Variants in LRRC20 observed in about 807,000 individuals in gnomAD.
The protein encoded by LRRC20 is leucine rich repeat containing 20, also known as leucine-rich repeat-containing protein 20.
LRRC20 carries 11 observed loss-of-function variants against 14.4 expected under a neutral mutation model. The observed-to-expected ratio is 0.77, with a 90% CI of 0.48 to 1.27. The LOEUF (loss-of-function observed/expected upper bound fraction) is 1.27. Ranked by LOEUF, LRRC20 falls within the 50% of genes most tolerant of loss-of-function variation. LRRC20 has a pLI of 0.00. For missense variants in LRRC20, 219 were observed against 251.2 expected (o/e 0.87, Z 0.87); for synonymous variants, 121 against 107.3 (o/e 1.13, Z -0.79).
At chr10:70,319,742 C>A (rs1355670251) in intron 4 of LRRC20, among the ~76,000 whole-genome samples, 1 of 152,220 alleles carries the variant, frequency 6.6e-6, no homozygotes, top group Admixed American at 6.5e-5. Context: ...CTTCCATACA[C>A]CACTTTCTGA....
chr10:70,334,999 TC>T lies in LRRC20; in HGVS notation c.232+5553del, dbSNP rs1041848936. Among the ~76,000 whole-genome samples, 137 of 151,950 alleles carry T rather than the reference TC, an allele frequency of 9.0e-4. 2 individuals are homozygous for T. The highest frequency in any genetic ancestry group is 2.0e-3 in the Admixed American group (31 of 15,280). On this transcript the variant is annotated intron_variant, in intron 3 of 4. Coordinates refer to ENST00000446961, the MANE Select transcript of LRRC20 (RefSeq NM_001278212.2). ...AGCCAGGAGCCCTCTGCAGACAGGC[TC>T]CCCCCAGGTGTCATGCACCCTGTGG... is the stretch of plus-strand genomic sequence containing the variant.
At chr10:70,301,958 A>G (rs1841207761) in intron 4 of LRRC20, among the ~76,000 whole-genome samples, 1 of 152,240 alleles carries the variant, frequency 6.6e-6, no homozygotes, top group African/African-American at 2.4e-5. Flanking sequence ...TATATGGAAT[A>G]CTATGTAGCC....
At chr10:70,331,961 A>G (rs1160015215) in intron 3 of LRRC20, among the ~76,000 whole-genome samples, 1 of 152,210 alleles carries the variant, frequency 6.6e-6, no homozygotes, top group Non-Finnish European at 1.5e-5. Context: ...GAAGCTTGCC[A>G]ATTCCATTAG....
intron 3 of LRRC20, among the ~76,000 whole-genome samples, chr10:70,329,832 T>C (rs1441704717): frequency 1.3e-5 from 2 of 152,212 alleles, no homozygotes; most frequent in African/African-American, 4.8e-5. Context: ...CCCAAAGTGC[T>C]GGGATTACAG....
intron 1 of LRRC20, among the ~76,000 whole-genome samples, chr10:70,377,255 C>T (rs924294025): frequency 2.7e-4 from 41 of 151,952 alleles, no homozygotes; most frequent in African/African-American, 9.7e-4. Context: ...AGTTTATCTG[C>T]AAGAAAAGCG....
chr10:70,317,605 C>T (rs935916829), intron 4 of LRRC20, among the ~76,000 whole-genome samples: 1 of 152,116 alleles, frequency 6.6e-6, no homozygotes, highest in Non-Finnish European at 1.5e-5. Flanking sequence ...TTTTGAACTC[C>T]CAGCCTCAAG....
At position 70,346,422 on chromosome 10, in the gene LRRC20, A is replaced by C. The variant is rs545858366; in HGVS notation, c.83-5720T>G. Among the ~76,000 whole-genome samples, 10 of 152,120 alleles carry C rather than the reference A, an allele frequency of 6.6e-5. No homozygotes were observed. In the South Asian group the frequency reaches 2.1e-3, roughly 32 times the overall value. Reference sequence around the variant, plus strand: ...GCAAGACCCTATCTCTAATAAAATAAAGTAAATATTAATTAACCATTTGTT... The same window carrying C: ...GCAAGACCCTATCTCTAATAAAATACAGTAAATATTAATTAACCATTTGTT... On this transcript the variant is annotated intron_variant, in intron 2 of 4. Transcript: ENST00000446961.
chr10:70,303,777 T>G (rs1035199714), intron 4 of LRRC20, among the ~76,000 whole-genome samples: 1 of 152,164 alleles, frequency 6.6e-6, no homozygotes, highest in Non-Finnish European at 1.5e-5. Flanking sequence ...CACCTAAAAA[T>G]TTGTATTACT....
At chr10:70,322,102 C>G (rs1842104745) in intron 4 of LRRC20, among the ~76,000 whole-genome samples, 1 of 125,044 alleles carries the variant, frequency 8.0e-6, no homozygotes, top group South Asian at 3.0e-4. Context: ...AACATAGACA[C>G]CCAGTCGACC....
intron 2 of LRRC20, among the ~76,000 whole-genome samples, chr10:70,354,758 C>T (rs1843459628): frequency 6.6e-6 from 1 of 152,182 alleles, no homozygotes; most frequent in South Asian, 2.1e-4. Flanking sequence ...TCTGAGCAGA[C>T]TATTTCAGGA....
chr10:70,341,020 T>A (rs1329741905), intron 2 of LRRC20, among the ~76,000 whole-genome samples: 1 of 152,196 alleles, frequency 6.6e-6, no homozygotes, highest in Non-Finnish European at 1.5e-5. Context: ...GCCTTTGAGA[T>A]CCTGCAGAAT....
At chr10:70,372,566 C>T (rs1269327374) in intron 2 of LRRC20, among the ~76,000 whole-genome samples, 2 of 151,744 alleles carry the variant, frequency 1.3e-5, no homozygotes, top group East Asian at 3.9e-4. Context: ...CTCAGCCTCC[C>T]GAGTAGCTGG....
intron 4 of LRRC20, among the ~76,000 whole-genome samples, chr10:70,311,504 GA>G (rs1392443067): frequency 1.3e-5 from 2 of 152,110 alleles, no homozygotes; most frequent in Non-Finnish European, 2.9e-5. Context: ...TTACAGGCAT[GA>G]GCCACTGCAC....
chr10:70,340,038 T>C (rs986434203), intron 3 of LRRC20, among the ~76,000 whole-genome samples: 10 of 151,846 alleles, frequency 6.6e-5, no homozygotes, highest in Admixed American at 6.5e-4. Context: ...GGAGAATCGC[T>C]TGAACCTGGG....
intron 4 of LRRC20, among the ~76,000 whole-genome samples, chr10:70,315,627 A>T (rs933602865): frequency 5.9e-5 from 9 of 152,214 alleles, no homozygotes; most frequent in Non-Finnish European, 1.3e-4. Context: ...GATGTTTTTC[A>T]GATCCCCAAT....
chr10:70,309,810 G>A (rs1438902076), intron 4 of LRRC20, among the ~76,000 whole-genome samples: 3 of 152,242 alleles, frequency 2.0e-5, no homozygotes, highest in African/African-American at 4.8e-5. Context: ...GAGGATGGGG[G>A]GGTCCCCCTG....
rs914023527 is a variant in LRRC20 at position 70,299,424 on chromosome 10, C to T, written c.*1930G>A. On this transcript the variant is annotated 3_prime_UTR_variant, in exon 5 of 5. Transcript: ENST00000446961. ...AGGACATCCCCAGCCTAGGTCCTTG[C>T]TTCTCAAACTCTAAAGTGCTTATAG... 27 of 152,270 alleles carry T rather than the reference C, an allele frequency of 1.8e-4. No homozygotes were observed. The highest frequency in any genetic ancestry group is 5.8e-4 in the African/African-American group (24 of 41,448). The allele number at this position is 152,270 out of a possible 1,614,324, so 9.4% of individuals were successfully genotyped here.
intron 3 of LRRC20, among the ~76,000 whole-genome samples, chr10:70,340,327 C>T (rs1355385230): frequency 2.6e-5 from 4 of 152,190 alleles, no homozygotes; most frequent in African/African-American, 4.8e-5. Flanking sequence ...GAACCACACC[C>T]TTGATCCTTG....
chr10:70,357,083 A>G (rs573071471), intron 2 of LRRC20, among the ~76,000 whole-genome samples: 6 of 152,348 alleles, frequency 3.9e-5, no homozygotes, highest in South Asian at 4.1e-4. Context: ...ACATTTTGCT[A>G]TGTGAAGGAA....
Sources: gnomAD v4.1 joint callset for allele counts (sites outside exome capture counted in the v4.1 genomes callset) on GRCh38, gnomAD v4.1.1 for gene constraint, MANE v1.5 for transcripts, NCBI Gene and HGNC (gene_info 2026-07-23, HGNC 2026-07-21) for gene names.